IL2RB: variants seen among roughly 807,000 people sequenced by gnomAD.
The protein encoded by IL2RB is interleukin 2 receptor subunit beta, also known as interleukin-2 receptor subunit beta.
Under a neutral mutation model 44.2 loss-of-function variants are expected in IL2RB, and 17 were observed. The ratio of observed to expected loss-of-function variants is 0.38; its 90% CI spans 0.26 to 0.58. The LOEUF is 0.58. IL2RB is among the 20% of genes least tolerant of loss of function. IL2RB has a pLI of 0.63. For missense variants in IL2RB, 624 were observed against 685.5 expected, an observed-to-expected ratio of 0.91 and a Z score of 1.00; for synonymous variants, 286 against 297.9, an observed-to-expected ratio of 0.96 and a Z score of 0.41.
At chr22:37,153,227 G>A (rs1431489091), upstream of IL2RB, among the ~76,000 whole-genome samples, 3 of 152,124 alleles carry the variant, frequency 2.0e-5, no homozygotes, top group Non-Finnish European at 2.9e-5. Context: ...GAGCCACTGC[G>A]CCCAGCCTGC....
chr22:37,157,563 G>T (rs1922723199), intron 1 of IL2RB, among the ~76,000 whole-genome samples: 1 of 152,160 alleles, frequency 6.6e-6, no homozygotes, highest in African/African-American at 2.4e-5. Flanking sequence ...GGGACTGAGG[G>T]GGGTTTCCAG....
chr22:37,171,848 T>C (rs140062286), intron 1 of IL2RB, among the ~76,000 whole-genome samples: 113 of 152,346 alleles, frequency 7.4e-4, no homozygotes, highest in African/African-American at 2.5e-3. Context: ...AGAAAACTCC[T>C]ACACAGCCTT....
In IL2RB at chr22:37,135,281, C is replaced by T. The variant is rs145688666; in HGVS notation, c.818+47G>A. The T allele has an allele frequency of 9.2e-4, 1,177 of 1,278,068 alleles. 10 individuals carry two copies. In the African/African-American group the frequency reaches 0.015, roughly 16 times the overall value. 79.2% of individuals were successfully genotyped at this position (1,278,068 alleles called of 1,614,324 possible). ...GTGCATGTGTGTGCATGTGTGTGCA[C>T]GTTGGAGGGGTGGGAGCATGAAGGA... On this transcript the variant is annotated intron_variant, in intron 8 of 9. Transcript: ENST00000216223.
intron 1 of IL2RB, among the ~76,000 whole-genome samples, chr22:37,160,849 A>C (rs1480478421): frequency 1.3e-5 from 2 of 149,856 alleles, no homozygotes; most frequent in Non-Finnish European, 2.9e-5. Context: ...GTCTCAAAAA[A>C]ACAAACAAAA....
At chr22:37,161,425 A>G (rs1038702211) in intron 1 of IL2RB, among the ~76,000 whole-genome samples, 2 of 151,990 alleles carry the variant, frequency 1.3e-5, no homozygotes, top group African/African-American at 4.8e-5. Context: ...GGAGTCTCCT[A>G]CCCTAACCAG....
chr22:37,155,193 C>G (rs1922636607), intron 1 of IL2RB, among the ~76,000 whole-genome samples: 1 of 152,098 alleles, frequency 6.6e-6, no homozygotes, highest in Admixed American at 6.5e-5. Context: ...AGAGGTGCAC[C>G]TGCTTTCTTC....
intron 1 of IL2RB, among the ~76,000 whole-genome samples, chr22:37,172,122 A>G (rs770204434): frequency 6.6e-6 from 1 of 151,190 alleles, no homozygotes; most frequent in Non-Finnish European, 1.5e-5. Flanking sequence ...GCTCCCTCTC[A>G]AGTAGGTGGT....
At chr22:37,136,039 T>C (rs1921673316) in intron 7 of IL2RB, among the ~76,000 whole-genome samples, 189 bp downstream of exon 7, 1 of 152,022 alleles carries the variant, frequency 6.6e-6, no homozygotes, top group Admixed American at 6.5e-5. Context: ...ACAAGGCCCA[T>C]GGCAAGCCCC....
intron 8 of IL2RB, among the ~76,000 whole-genome samples, chr22:37,134,277 T>C (rs1034045753): frequency 7.2e-5 from 11 of 152,174 alleles, no homozygotes; most frequent in Non-Finnish European, 7.4e-5. Context: ...GGAGGGTGTG[T>C]GTAGGTTACA....
intron 8 of IL2RB, among the ~76,000 whole-genome samples, chr22:37,133,130 G>A (rs561380040): frequency 7.0e-4 from 107 of 152,326 alleles, no homozygotes; most frequent in African/African-American, 2.3e-3. Context: ...CGCAGTGAGC[G>A]GCCTCTGAAG....
intron 1 of IL2RB, among the ~76,000 whole-genome samples, chr22:37,162,974 C>G (rs1368984674): frequency 6.6e-6 from 1 of 152,194 alleles, no homozygotes; most frequent in African/African-American, 2.4e-5. Flanking sequence ...CACCCCTGTC[C>G]CCAGGCCAGA....
intron 1 of IL2RB, among the ~76,000 whole-genome samples, chr22:37,164,581 G>A (rs745677593): frequency 1.3e-5 from 2 of 152,012 alleles, no homozygotes; most frequent in African/African-American, 2.4e-5. Flanking sequence ...TGAGTGGGCC[G>A]GGCAAGCCAC....
chr22:37,142,832 T>G, intron 3 of IL2RB: 1 of 472,450 alleles, frequency 2.1e-6, no homozygotes, highest in Non-Finnish European at 4.0e-6. Context: ...AGGATGAAGA[T>G]AGATCCTTAA....
upstream of IL2RB, among the ~76,000 whole-genome samples, chr22:37,152,670 C>G (rs552152894): frequency 1.1e-4 from 17 of 152,224 alleles, no homozygotes; most frequent in African/African-American, 4.1e-4. Context: ...TCCTCTTCCT[C>G]TCAAGTCATG....
At chr22:37,169,881 C>A (rs1371892181) in intron 1 of IL2RB, among the ~76,000 whole-genome samples, 4 of 152,156 alleles carry the variant, frequency 2.6e-5, no homozygotes, top group African/African-American at 9.7e-5. Context: ...ATTCATTCTG[C>A]ATTTCTTTAT....
At chr22:37,138,334 C>G in intron 5 of IL2RB, among the ~76,000 whole-genome samples, 1 of 152,190 alleles carries the variant, frequency 6.6e-6, no homozygotes, top group East Asian at 1.9e-4. Flanking sequence ...TAAGCAGTTT[C>G]TATGTCTCAG....
intron 4 of IL2RB, 36 bp from the exon 5 acceptor site, chr22:37,139,258 C>T (rs1302992955): frequency 2.8e-6 from 4 of 1,452,044 alleles, no homozygotes. Context: ...AAACTTCTAG[C>T]AGCTTCAGGC....
At chr22:37,129,393 C>T (rs1338141737) in intron 9 of IL2RB, among the ~76,000 whole-genome samples, 1 of 152,182 alleles carries the variant, frequency 6.6e-6, no homozygotes, top group Non-Finnish European at 1.5e-5. Flanking sequence ...GTGGTGGGAA[C>T]GTCTCTTGGG....
intron 8 of IL2RB, among the ~76,000 whole-genome samples, chr22:37,134,563 G>A (rs374460974): frequency 3.3e-5 from 5 of 152,124 alleles, no homozygotes; most frequent in East Asian, 3.9e-4. Context: ...TCGAGATTGC[G>A]CCACTGTACT....
Sources: allele counts gnomAD v4.1 joint callset (sites outside exome capture counted in the v4.1 genomes callset), GRCh38; gene constraint gnomAD v4.1.1; transcripts MANE v1.5; gene names NCBI Gene and HGNC (gene_info 2026-07-23, HGNC 2026-07-21).